LOC400499: variants seen among roughly 807,000 people sequenced by gnomAD.
the LOC400499 span, among the ~76,000 whole-genome samples, chr16:11,452,650 A>C: frequency 6.6e-6 from 1 of 152,230 alleles, no homozygotes; most frequent in Non-Finnish European, 1.5e-5. Flanking sequence ...TTTGTATCCC[A>C]AAATCCTGTG....
chr16:11,461,199 C>T, the LOC400499 span: 1 of 1,455,822 alleles, frequency 6.9e-7, no homozygotes, highest in Non-Finnish European at 9.1e-7. Context: ...AGAAGGGACT[C>T]AGGTATCACC....
the LOC400499 span, among the ~76,000 whole-genome samples, chr16:11,375,703 G>A: frequency 1.3e-5 from 2 of 150,118 alleles, no homozygotes; most frequent in Admixed American, 6.6e-5. Flanking sequence ...TATCTTATTT[G>A]GAGAAATGTC....
At chr16:11,513,510 C>T in the LOC400499 span, among the ~76,000 whole-genome samples, 1 of 152,016 alleles carries the variant, frequency 6.6e-6, no homozygotes, top group African/African-American at 2.4e-5. Context: ...TGGCTCACTG[C>T]ACCTCCGCCT....
the LOC400499 span, among the ~76,000 whole-genome samples, chr16:11,522,372 C>T: frequency 4.6e-5 from 7 of 152,210 alleles, no homozygotes; most frequent in Non-Finnish European, 8.8e-5. Context: ...ATCAAGGTTT[C>T]TCTGCCTGGG....
the LOC400499 span, among the ~76,000 whole-genome samples, chr16:11,387,529 A>G: frequency 1.2e-4 from 18 of 152,168 alleles, no homozygotes; most frequent in Non-Finnish European, 2.6e-4. Flanking sequence ...AAGCTGCCCC[A>G]TTTTGAGGAC....
At chr16:11,469,704 A>G in the LOC400499 span, 30 of 398,860 alleles carry the variant, frequency 7.5e-5, no homozygotes, top group African/African-American at 6.0e-4. Flanking sequence ...GAGAGCCTCC[A>G]CCTGTACCCT....
the LOC400499 span, among the ~76,000 whole-genome samples, chr16:11,403,430 C>A: frequency 6.6e-6 from 1 of 152,220 alleles, no homozygotes; most frequent in Non-Finnish European, 1.5e-5. Context: ...CACAGGCATG[C>A]ACACACGTGC....
the LOC400499 span, chr16:11,448,969 C>T: frequency 1.1e-5 from 17 of 1,504,812 alleles, no homozygotes; most frequent in East Asian, 4.2e-4. Context: ...TGCTGGGGGC[C>T]TTTCAACCAG....
At chr16:11,486,330 T>A in the LOC400499 span, among the ~76,000 whole-genome samples, 1 of 132,480 alleles carries the variant, frequency 7.5e-6, no homozygotes, top group Non-Finnish European at 1.6e-5. Context: ...GATGGGTGGG[T>A]AGATGAATGA....
chr16:11,381,650 G>T, the LOC400499 span, among the ~76,000 whole-genome samples: 11 of 152,294 alleles, frequency 7.2e-5, no homozygotes, highest in African/African-American at 2.6e-4. Flanking sequence ...TCATGGTAAA[G>T]ATATCTCTAG....
the LOC400499 span, among the ~76,000 whole-genome samples, chr16:11,423,589 G>GCGAC: frequency 2.6e-5 from 4 of 152,236 alleles, no homozygotes; most frequent in Admixed American, 1.3e-4. Context: ...CACACAGTCA[G>GCGAC]CGACGGTGCA....
the LOC400499 span, chr16:11,460,140 T>A: frequency 8.7e-7 from 1 of 1,151,892 alleles, no homozygotes; most frequent in Admixed American, 3.8e-5. Flanking sequence ...ACTCCAGGGA[T>A]ATCAGCCTGG....
At chr16:11,400,905 C>T in the LOC400499 span, among the ~76,000 whole-genome samples, 1 of 152,080 alleles carries the variant, frequency 6.6e-6, no homozygotes. Flanking sequence ...TAGGACACAC[C>T]CGAGGCCCCC....
the LOC400499 span, chr16:11,391,809 G>A: frequency 1.6e-6 from 2 of 1,232,286 alleles, no homozygotes; most frequent in Non-Finnish European, 2.0e-6. Flanking sequence ...CCCCGCCTGG[G>A]ACAGCTGCAG....
At chr16:11,462,144 G>C in the LOC400499 span, 7 of 1,523,586 alleles carry the variant, frequency 4.6e-6, no homozygotes, top group African/African-American at 8.3e-5. Flanking sequence ...TCACTCAGCA[G>C]ATGGCTCAGC....
the LOC400499 span, among the ~76,000 whole-genome samples, chr16:11,458,944 G>A: frequency 6.6e-6 from 1 of 151,612 alleles, no homozygotes; most frequent in Non-Finnish European, 1.5e-5. Flanking sequence ...GGCTGAGGCT[G>A]GAGAATTGCA....
chr16:11,378,033 C>T, the LOC400499 span, among the ~76,000 whole-genome samples: 1 of 152,120 alleles, frequency 6.6e-6, no homozygotes, highest in African/African-American at 2.4e-5. Context: ...TTATTTCATT[C>T]CTTCTCCTAT....
the LOC400499 span, among the ~76,000 whole-genome samples, chr16:11,503,910 T>A: frequency 6.6e-6 from 1 of 152,220 alleles, no homozygotes; most frequent in Non-Finnish European, 1.5e-5. Context: ...CCAAAAAATG[T>A]CAGTTCCAGG....
chr16:11,464,921 C>G, the LOC400499 span, among the ~76,000 whole-genome samples: 3 of 152,220 alleles, frequency 2.0e-5, no homozygotes, highest in Non-Finnish European at 4.4e-5. Flanking sequence ...TCTCAGCCAT[C>G]AGGCAGGTGG....
Sources: gnomAD v4.1 joint callset for allele counts (sites outside exome capture counted in the v4.1 genomes callset) on GRCh38, gnomAD v4.1.1 for gene constraint, MANE v1.5 for transcripts.